The following ASTN2 variants were observed in gnomAD, a reference collection of about 807,000 sequenced individuals.
ASTN2 encodes the protein astrotactin 2.
In ASTN2, 54 loss-of-function variants were observed where a neutral mutation model predicts 139.8. That is an observed-to-expected ratio of 0.39 (90% CI 0.31 to 0.48). The LOEUF is 0.48. ASTN2 is among the 20% of genes least tolerant of loss of function. The pLI is 0.95. For missense variants in ASTN2, 1,565 were observed against 1,725.1 expected (o/e 0.91, Z 1.64); for synonymous variants, 756 against 719.5 (o/e 1.05, Z -0.81).
intron 10 of ASTN2, among the ~76,000 whole-genome samples, chr9:116,897,154 G>T (rs1204463161): frequency 6.6e-6 from 1 of 152,184 alleles, no homozygotes; most frequent in Non-Finnish European, 1.5e-5. Context: ...ACAGATTTAG[G>T]TGCAGCGCAC....
intron 22 of ASTN2, among the ~76,000 whole-genome samples, chr9:116,430,920 A>G (rs923902381): frequency 1.4e-4 from 21 of 152,254 alleles, no homozygotes; most frequent in Non-Finnish European, 1.8e-4. Context: ...GCATGCTTCA[A>G]GCTTTCCCTG....
chr9:116,813,635 C>T (rs1831225037), intron 12 of ASTN2, among the ~76,000 whole-genome samples: 1 of 152,068 alleles, frequency 6.6e-6, no homozygotes, highest in Admixed American at 6.5e-5. Context: ...TGTATTTTTT[C>T]CTTATTTATT....
At chr9:116,756,375 CA>C (rs137909694) in intron 13 of ASTN2, among the ~76,000 whole-genome samples, 6,458 of 152,236 alleles carry the variant, frequency 0.042, 435 homozygotes, top group African/African-American at 0.15. Flanking sequence ...ATCAAATTAT[CA>C]ACCTTCTAAG....
At chr9:116,923,607 C>A (rs182547961) in intron 10 of ASTN2, among the ~76,000 whole-genome samples, 1 of 152,304 alleles carries the variant, frequency 6.6e-6, no homozygotes, top group East Asian at 1.9e-4. Flanking sequence ...CACCAACTTT[C>A]CTCAGCTTTT....
At chr9:116,746,997 C>T (rs10118266) in intron 13 of ASTN2, among the ~76,000 whole-genome samples, 15,465 of 152,180 alleles carry the variant, frequency 0.1, 876 homozygotes, top group East Asian at 0.21. Context: ...GCTGTGGTAC[C>T]GCGATCTCCC....
intron 20 of ASTN2, among the ~76,000 whole-genome samples, chr9:116,469,943 G>A (rs974198881): frequency 1.3e-5 from 2 of 152,078 alleles, no homozygotes; most frequent in East Asian, 3.9e-4. Context: ...GGTGGCTCAC[G>A]TCTGTAATCA....
chr9:116,829,399 A>G (rs115696907), intron 11 of ASTN2, among the ~76,000 whole-genome samples: 2,566 of 151,756 alleles, frequency 0.017, 27 homozygotes, highest in East Asian at 0.034. Flanking sequence ...AAAAGTACAC[A>G]CTGGTAAAAT....
chr9:117,055,394 A>G (rs1587910164), intron 5 of ASTN2, among the ~76,000 whole-genome samples: 1 of 152,202 alleles, frequency 6.6e-6, no homozygotes, highest in Non-Finnish European at 1.5e-5. Context: ...AGGTGAGAGG[A>G]CCACTTGAGC....
In ASTN2 at chr9:117,205,408, C is replaced by A. The variant is rs368978156; in HGVS notation, c.1015+8950G>T. Among the ~76,000 whole-genome samples the A allele has an allele frequency of 2.5e-4, 38 of 152,220 alleles. No homozygotes were observed. The East Asian group carries it at 7.1e-3, about 29-fold the overall frequency. On this transcript the variant is annotated intron_variant, in intron 3 of 22. Transcript: ENST00000313400. Reference sequence around the variant, plus strand: ...TTTTTATATCTAATCCTCCCATTAACCCTTCAAGGAGGAAACTGAAGCCAA... The same window carrying A: ...TTTTTATATCTAATCCTCCCATTAAACCTTCAAGGAGGAAACTGAAGCCAA...
chr9:116,461,258 C>T (rs1366587187), intron 20 of ASTN2, among the ~76,000 whole-genome samples: 3 of 151,620 alleles, frequency 2.0e-5, no homozygotes, highest in Non-Finnish European at 4.4e-5. Flanking sequence ...TTATTTTCCA[C>T]TCCCACTTGA....
chr9:116,831,526 C>T (rs1831814405), intron 11 of ASTN2, among the ~76,000 whole-genome samples: 1 of 152,044 alleles, frequency 6.6e-6, no homozygotes, highest in African/African-American at 2.4e-5. Flanking sequence ...CAGACAAGAC[C>T]TTTCTCTCAT....
intron 1 of ASTN2, among the ~76,000 whole-genome samples, chr9:117,310,540 C>A (rs1428882832): frequency 6.6e-6 from 1 of 152,178 alleles, no homozygotes; most frequent in Non-Finnish European, 1.5e-5. Flanking sequence ...TTCACCCCAA[C>A]CAAGAGCAGC....
intron 3 of ASTN2, among the ~76,000 whole-genome samples, chr9:117,208,971 C>G (rs1265852502): frequency 1.3e-5 from 2 of 152,112 alleles, no homozygotes; most frequent in Admixed American, 1.3e-4. Context: ...AAGAAATGCT[C>G]AGTGAAGTCT....
chr9:116,867,970 T>TA (rs1833061129), intron 10 of ASTN2, among the ~76,000 whole-genome samples: 1 of 152,150 alleles, frequency 6.6e-6, no homozygotes, highest in Non-Finnish European at 1.5e-5. Context: ...GCCCAGGGTT[T>TA]AGGGTCTGTG....
chr9:116,718,357 C>T (rs551920692), intron 16 of ASTN2, among the ~76,000 whole-genome samples: 1 of 152,154 alleles, frequency 6.6e-6, no homozygotes, highest in Non-Finnish European at 1.5e-5. Context: ...CAGATCAGAA[C>T]TGTTAGAGCC....
At chr9:116,434,640 C>G (rs948914237) in intron 22 of ASTN2, among the ~76,000 whole-genome samples, 2 of 152,190 alleles carry the variant, frequency 1.3e-5, no homozygotes, top group Non-Finnish European at 2.9e-5. Flanking sequence ...TACCAATATG[C>G]TCAAACATAA....
At chr9:116,973,603 A>T (rs770027639) in intron 10 of ASTN2, among the ~76,000 whole-genome samples, 5 of 152,226 alleles carry the variant, frequency 3.3e-5, no homozygotes, top group Non-Finnish European at 7.3e-5. Context: ...ATTTCAAACG[A>T]GGTAACTGTG....
At chr9:116,802,660 C>G (rs1026575637) in intron 13 of ASTN2, among the ~76,000 whole-genome samples, 4 of 152,184 alleles carry the variant, frequency 2.6e-5, no homozygotes, top group Admixed American at 2.6e-4. Flanking sequence ...ACTCTGAGAG[C>G]TGCTGTGAGA....
intron 11 of ASTN2, among the ~76,000 whole-genome samples, chr9:116,829,821 G>C (rs1831752111): frequency 6.6e-6 from 1 of 152,098 alleles, no homozygotes; most frequent in Non-Finnish European, 1.5e-5. Context: ...TGAAAAATTG[G>C]ATAGCCATAC....
Sources: gnomAD v4.1 joint callset for allele counts (sites outside exome capture counted in the v4.1 genomes callset) on GRCh38, gnomAD v4.1.1 for gene constraint, MANE v1.5 for transcripts, NCBI Gene and HGNC (gene_info 2026-07-23, HGNC 2026-07-21) for gene names.